The following CHN2 variants were observed in gnomAD, a reference collection of about 807,000 sequenced individuals.
CHN2 encodes chimerin 2.
A neutral mutation model predicts 56.3 loss-of-function variants in CHN2; 35 were observed. The ratio of observed to expected loss-of-function variants is 0.62; its 90% confidence interval spans 0.47 to 0.82. The LOEUF is 0.82. Ranked by LOEUF, CHN2 falls within the 40% of genes least tolerant of loss-of-function variation. CHN2 has a pLI of 0.00. For missense variants in CHN2, 491 were observed against 580.5 expected, an observed-to-expected ratio of 0.85 and a Z score of 1.58; for synonymous variants, 210 against 212.8, an observed-to-expected ratio of 0.99 and a Z score of 0.12.
At chr7:29,498,354 A>G (rs1488545441) in intron 8 of CHN2, among the ~76,000 whole-genome samples, 2 of 152,254 alleles carry the variant, frequency 1.3e-5, no homozygotes, top group Admixed American at 1.3e-4. Context: ...GCAGTTAGCC[A>G]AAATTTACAT....
chr7:29,482,503 G>A (rs1787371653), intron 7 of CHN2, among the ~76,000 whole-genome samples: 1 of 152,084 alleles, frequency 6.6e-6, no homozygotes, highest in Non-Finnish European at 1.5e-5. Flanking sequence ...TATAAATACA[G>A]TGGCAGGTTT....
intron 2 of CHN2, among the ~76,000 whole-genome samples, chr7:29,166,996 G>T: frequency 6.6e-6 from 1 of 151,890 alleles, no homozygotes; most frequent in East Asian, 1.9e-4. Context: ...TTTTTTGCAT[G>T]CATAGAGTAC....
chr7:29,465,205 C>G (rs1785463417), intron 6 of CHN2, among the ~76,000 whole-genome samples: 1 of 152,150 alleles, frequency 6.6e-6, no homozygotes, highest in Admixed American at 6.5e-5. Flanking sequence ...TCTTAGCTTT[C>G]TAGTGATTCT....
intron 6 of CHN2, among the ~76,000 whole-genome samples, chr7:29,459,797 TC>T (rs1184056896): frequency 6.6e-6 from 1 of 152,008 alleles, no homozygotes; most frequent in African/African-American, 2.4e-5. Context: ...AGAACATGAC[TC>T]CAGCAAACCC....
intron 1 of CHN2, among the ~76,000 whole-genome samples, chr7:29,305,151 C>T (rs757856752): frequency 2.2e-4 from 34 of 152,232 alleles, no homozygotes; most frequent in Non-Finnish European, 3.1e-4. Context: ...ACAGAGGATA[C>T]GACAGGCAGG....
At chr7:29,401,050 C>T (rs992067301) in intron 6 of CHN2, 6 of 539,132 alleles carry the variant, frequency 1.1e-5, no homozygotes, top group African/African-American at 5.7e-5. Flanking sequence ...AGGTGGATCA[C>T]GAGGTCAGGA....
chr7:29,260,109 C>G (rs1167017751), intron 1 of CHN2, among the ~76,000 whole-genome samples: 1 of 152,050 alleles, frequency 6.6e-6, no homozygotes, highest in Non-Finnish European at 1.5e-5. Flanking sequence ...TCCCAAGTAG[C>G]TGGAATTACA....
At chr7:29,502,435 A>G (rs1790067603) in intron 9 of CHN2, among the ~76,000 whole-genome samples, 1 of 152,144 alleles carries the variant, frequency 6.6e-6, no homozygotes, top group African/African-American at 2.4e-5. Flanking sequence ...TGTAAATGTC[A>G]CTTCTGCTCT....
intron 6 of CHN2, among the ~76,000 whole-genome samples, chr7:29,452,858 GAGA>G (rs1337034117): frequency 6.6e-6 from 1 of 152,224 alleles, no homozygotes; most frequent in Admixed American, 6.5e-5. Context: ...GGAGAAATCA[GAGA>G]AGCTCAGTTC....
At chr7:29,219,118 A>G (rs921453940) in intron 1 of CHN2, among the ~76,000 whole-genome samples, 1 of 152,208 alleles carries the variant, frequency 6.6e-6, no homozygotes, top group African/African-American at 2.4e-5. Context: ...GCAGTGGCCC[A>G]GGCCACATTC....
intron 6 of CHN2, among the ~76,000 whole-genome samples, chr7:29,471,926 A>G (rs955777057): frequency 2.0e-5 from 3 of 152,142 alleles, no homozygotes; most frequent in African/African-American, 7.2e-5. Flanking sequence ...GCGTTTAGTT[A>G]TATGTCTTTG....
chr7:29,165,707 G>T (rs1468316793), intron 2 of CHN2, among the ~76,000 whole-genome samples: 1 of 152,086 alleles, frequency 6.6e-6, no homozygotes, highest in Non-Finnish European at 1.5e-5. Flanking sequence ...CCTTTATGTG[G>T]TTGAATTTTC....
intron 6 of CHN2, among the ~76,000 whole-genome samples, chr7:29,437,597 C>CAAAAAAAAAAAAAAAAAAAAA (rs11436612): frequency 2.8e-3 from 147 of 52,146 alleles, no homozygotes; most frequent in Middle Eastern, 9.3e-3. Flanking sequence ...GACTCCGTCT[C>CAAAAAAAAAAAAAAAAAAAAA]AAAAAAAAAA....
chr7:29,174,138 CCG>C (rs1796962817), intron 2 of CHN2, among the ~76,000 whole-genome samples: 1 of 151,950 alleles, frequency 6.6e-6, no homozygotes, highest in Admixed American at 6.6e-5. Flanking sequence ...AGAGACCCCC[CCG>C]TTTGGTGGCA....
intron 6 of CHN2, among the ~76,000 whole-genome samples, chr7:29,472,516 C>T (rs1452294044): frequency 7.2e-5 from 11 of 151,982 alleles, no homozygotes; most frequent in African/African-American, 1.9e-4. Context: ...GGGGAAATAA[C>T]GGGACACCCA....
chr7:29,458,444 A>G (rs1017791816), intron 6 of CHN2, among the ~76,000 whole-genome samples: 1 of 151,630 alleles, frequency 6.6e-6, no homozygotes, highest in Non-Finnish European at 1.5e-5. Context: ...TAGATGTAGA[A>G]TTCTAATGTT....
At chr7:29,301,704 C>T (rs1262177225) in intron 1 of CHN2, among the ~76,000 whole-genome samples, 6 of 152,216 alleles carry the variant, frequency 3.9e-5, no homozygotes, top group Middle Eastern at 3.4e-3. Context: ...ACTCACCCTA[C>T]GTAATCTTAA....
intron 6 of CHN2, among the ~76,000 whole-genome samples, chr7:29,433,485 C>T (rs965595192): frequency 2.0e-5 from 3 of 152,098 alleles, no homozygotes; most frequent in Admixed American, 6.6e-5. Context: ...ATGAGACGTA[C>T]AGGAATAAAC....
At chr7:29,233,889 A>G (rs1786943166) in intron 1 of CHN2, among the ~76,000 whole-genome samples, 1 of 111,136 alleles carries the variant, frequency 9.0e-6, no homozygotes, top group African/African-American at 3.5e-5. Flanking sequence ...GCTGGAGTGC[A>G]GTGGCGGGAT....
Sources: gnomAD v4.1 joint callset for allele counts (sites outside exome capture counted in the v4.1 genomes callset) on GRCh38, gnomAD v4.1.1 for gene constraint, MANE v1.5 for transcripts, NCBI Gene and HGNC (gene_info 2026-07-23, HGNC 2026-07-21) for gene names.